LAMB3: variants seen among roughly 807,000 people sequenced by gnomAD.
LAMB3 encodes the protein laminin subunit beta-3.
Under a neutral mutation model 140.3 loss-of-function variants are expected in LAMB3, and 104 were observed. That is an observed-to-expected ratio of 0.74 (90% CI 0.63 to 0.87). The LOEUF is 0.87. LAMB3 is among the 40% of genes least tolerant of loss of function. The pLI, the probability that LAMB3 is intolerant of heterozygous loss-of-function variation, is 0.00. For missense variants in LAMB3, 1,531 were observed against 1,575.2 expected (o/e 0.97, Z 0.47); for synonymous variants, 592 against 602.9 (o/e 0.98, Z 0.26).
chr1:209,646,586 C>T (rs537419022), intron 3 of LAMB3, among the ~76,000 whole-genome samples: 1 of 152,304 alleles, frequency 6.6e-6, no homozygotes, highest in African/African-American at 2.4e-5. Flanking sequence ...GCACCGATCA[C>T]CTTGGGAGGC....
intron 21 of LAMB3, among the ~76,000 whole-genome samples, chr1:209,616,886 A>T (rs1665987233): frequency 1.3e-5 from 2 of 152,348 alleles, no homozygotes; most frequent in South Asian, 4.1e-4. Flanking sequence ...TAGGATATTA[A>T]TAGTAGGCTG....
rs188432120 is a variant in LAMB3, at chr1:209,651,879, G to C, written c.-38+490C>G. 7.3e-5 allele frequency among the ~76,000 whole-genome samples: 11 copies of C among 150,620 alleles called. No individual in the cohort carries two copies. The East Asian group carries it at 1.4e-3, about 19-fold the overall frequency. On this transcript the variant is annotated intron_variant, in intron 1 of 22. Coordinates refer to ENST00000356082, the MANE Select transcript of LAMB3 (RefSeq NM_000228.3). ...GCTGGGGGCTTGGCAAGGCAGGGGC[G>C]GGGGGGGAAATTGAGGACATTTCTG...
chr1:209,617,886 G>A (rs373731270), intron 20 of LAMB3, 21 bp downstream of exon 20: 2 of 1,614,054 alleles, frequency 1.2e-6, no homozygotes, highest in Non-Finnish European at 1.7e-6. Context: ...AATATGGGCG[G>A]AGGAAGCCAT....
In LAMB3 at chr1:209,632,793, G is replaced by A. The variant is rs1383632964; in HGVS notation, c.629-17C>T. On this transcript the variant is annotated splice_polypyrimidine_tract_variant and intron_variant, in intron 7 of 22. Coordinates refer to ENST00000356082, the MANE Select transcript of LAMB3 (RefSeq NM_000228.3). ...CCCCCACCTCTGAGAGGGCCAAACA[G>A]CAAGGAGGGAAGAGTTGGAGAATGG... 1 of 1,610,680 alleles carries A rather than the reference G, an allele frequency of 6.2e-7. No individual in the cohort carries two copies. Among genetic ancestry groups the A allele is most frequent in the African/African-American group, 1.3e-5 (1 of 74,870 alleles).
In LAMB3 at chr1:209,625,961, A is replaced by G. The variant is rs1666432220; in HGVS notation, c.1663T>C (p.Cys555Arg). The change falls in exon 14 of 23, where the codon TGC (cysteine) becomes CGC (arginine). Residue 555 changes from cysteine (C) to arginine (R), a missense_variant. Cys to Arg is a radical substitution (Grantham distance 180). Coordinates refer to ENST00000356082, the MANE Select transcript of LAMB3 (RefSeq NM_000228.3). ...GCDKASGRCL[C>R]RPGLTGPRCD... ...CGGGGCCCGGTCAAGCCAGGGCGGC[A>G]GAGGCAGCGGCCTGATGCCTTGTCG... is the stretch of plus-strand genomic sequence containing the variant. The G allele has an allele frequency of 5.0e-6, 8 of 1,613,848 alleles. No homozygotes were observed. Among genetic ancestry groups the G allele is most frequent in the Non-Finnish European group, 5.9e-6 (7 of 1,179,880 alleles).
At chr1:209,627,351 G>T in intron 12 of LAMB3, 32 bp downstream of exon 12, 1 of 1,594,542 alleles carries the variant, frequency 6.3e-7, no homozygotes. Context: ...CCCTCCCACT[G>T]AGGGGGCCCC....
Position 209,638,550 on chromosome 1 carries a change from C to T in LAMB3, c.282G>A (p.Trp94Ter), listed in dbSNP as rs748099677. 2.5e-6 allele frequency: 4 copies of T among 1,611,566 alleles called. No individual in the cohort carries two copies. Among genetic ancestry groups the T allele is most frequent in the Non-Finnish European group, 2.5e-6 (3 of 1,177,650 alleles). ...NVASSSGPMR[W>*]WQSQNDVNPV... ...AATGCTCACCATTCTGTGACTGCCA[C>T]CAGCGCATGGGGCCGGAGGATGAAG... is the stretch of plus-strand genomic sequence containing the variant. The change falls in exon 4 of 23, where the codon TGG (tryptophan) becomes TGA (stop). Residue 94 changes from tryptophan (W) to a stop codon, truncating the protein, a stop_gained. Coordinates refer to ENST00000356082, the MANE Select transcript of LAMB3 (RefSeq NM_000228.3). LOFTEE classifies it high-confidence loss of function.
intron 3 of LAMB3, among the ~76,000 whole-genome samples, chr1:209,641,111 A>G (rs1337731022): frequency 1.3e-5 from 2 of 151,740 alleles, no homozygotes; most frequent in East Asian, 3.8e-4. Context: ...TAAAAAAAAA[A>G]AAAGAAAGAA....
chr1:209,631,734 G>C (rs990260991), intron 8 of LAMB3, among the ~76,000 whole-genome samples: 1 of 152,172 alleles, frequency 6.6e-6, no homozygotes, highest in Non-Finnish European at 1.5e-5. Flanking sequence ...TTGGGTTCTA[G>C]GAGTATGTCT....
intron 8 of LAMB3, among the ~76,000 whole-genome samples, chr1:209,630,995 C>T (rs1666668949): frequency 1.3e-5 from 2 of 152,192 alleles, no homozygotes; most frequent in Non-Finnish European, 2.9e-5. Context: ...TTTGCAAGCT[C>T]GCTGCTTGCA....
At chr1:209,621,674 A>G (rs1359414811) in intron 18 of LAMB3, among the ~76,000 whole-genome samples, 1 of 152,180 alleles carries the variant, frequency 6.6e-6, no homozygotes, top group African/African-American at 2.4e-5. Context: ...CATTTATAGA[A>G]GCAAAAGATG....
In LAMB3 at chr1:209,625,933, C is replaced by T. The variant is rs1365574842; in HGVS notation, c.1691G>A (p.Cys564Tyr). 2 of 1,613,826 alleles carry T rather than the reference C, an allele frequency of 1.2e-6. No homozygotes were observed. Among genetic ancestry groups the T allele is most frequent in the Non-Finnish European group, 1.7e-6 (2 of 1,179,900 alleles). The stretch of plus-strand genomic sequence containing the variant: ...ACAGTAGCCTCGCTGGCACTGGTCA[C>T]AGCGGGGCCCGGTCAAGCCAGGGCG... ...LCRPGLTGPR[C>Y]DQCQRGYCNR... The change falls in exon 14 of 23, where the codon TGT becomes TAT. Residue 564 changes from cysteine to tyrosine, a missense_variant. Cys to Tyr is a radical substitution (Grantham distance 194, BLOSUM62 -2). Coordinates refer to ENST00000356082, the MANE Select transcript of LAMB3 (RefSeq NM_000228.3).
intron 13 of LAMB3, 137 bp downstream of exon 13, chr1:209,626,730 C>G: frequency 1.4e-6 from 1 of 721,952 alleles, no homozygotes; most frequent in East Asian, 2.7e-5. Context: ...TGTGCACTCA[C>G]AGGGCTGCCC....
intron 13 of LAMB3, among the ~76,000 whole-genome samples, chr1:209,626,351 C>T (rs1304694490): frequency 6.6e-6 from 1 of 151,522 alleles, no homozygotes; most frequent in Non-Finnish European, 1.5e-5. Context: ...GTACAGCATG[C>T]CTCTTCCTCT....
Position 209,629,832 on chromosome 1 carries a change from C to T in LAMB3, c.1037G>A (p.Cys346Tyr). The T allele has an allele frequency of 6.2e-7, 1 of 1,614,206 alleles. No individual in the cohort carries two copies. The highest frequency in any genetic ancestry group is 1.1e-5 in the South Asian group (1 of 91,088). Residue 346 changes from cysteine (C) to tyrosine (Y), a missense_variant, in exon 10 of 23, where the codon TGC becomes TAC. Transcript: ENST00000356082. ...GTTCTTGCCTTCGGTGTGGTCCCGG[C>T]AATTGTCACACACACCTCCATATGC... ...QGAYGGVCDN[C>Y]RDHTEGKNCE... is the part of the protein sequence containing the mutation.
Position 209,615,162 on chromosome 1 carries a change from T to C in LAMB3, c.*109A>G, listed in dbSNP as rs1665905086. Reference sequence around the variant, plus strand: ...CACCAGGGGTGGTCCAGGCTGTACTTTAGGCTGCATGAAAGTCTCCTGGAG... The same window carrying C: ...CACCAGGGGTGGTCCAGGCTGTACTCTAGGCTGCATGAAAGTCTCCTGGAG... On this transcript the variant is annotated 3_prime_UTR_variant, in exon 23 of 23. Transcript: ENST00000356082. 3 of 1,448,226 alleles carry C rather than the reference T, an allele frequency of 2.1e-6. No individual in the cohort carries two copies. The Admixed American group carries it at 5.1e-5, about 25-fold the overall frequency. 89.7% of individuals were successfully genotyped at this position (1,448,226 alleles called of 1,614,324 possible). A position where few individuals can be genotyped will look rare whatever the true frequency, so the allele number is the denominator to read the frequency against.
Position 209,626,995 on chromosome 1 carries a change from C to G in LAMB3, c.1486-17G>C, listed in dbSNP as rs1666484735. Reference sequence around the variant, plus strand: ...CCCTGTGAACTGCGTGGGGAGAGCACCGTCAGTGGACCCTGCCTCACAGCC... The same window carrying G: ...CCCTGTGAACTGCGTGGGGAGAGCAGCGTCAGTGGACCCTGCCTCACAGCC... On this transcript the variant is annotated splice_polypyrimidine_tract_variant and intron_variant, in intron 12 of 22. Coordinates refer to ENST00000356082, the MANE Select transcript of LAMB3 (RefSeq NM_000228.3). 6.4e-7 allele frequency: 1 copy of G among 1,556,264 alleles called. No homozygotes were observed.
intron 18 of LAMB3, among the ~76,000 whole-genome samples, chr1:209,619,855 T>C (rs1472435540): frequency 6.6e-6 from 1 of 152,138 alleles, no homozygotes; most frequent in Non-Finnish European, 1.5e-5. Flanking sequence ...TCCTGGAGGG[T>C]GGAAGCCATG....
chr1:209,631,150 G>C (rs900622721), intron 8 of LAMB3, among the ~76,000 whole-genome samples: 2 of 152,194 alleles, frequency 1.3e-5, no homozygotes, highest in Non-Finnish European at 2.9e-5. Flanking sequence ...TTGGTTAATG[G>C]AACTGTTGTG....
Sources: allele counts gnomAD v4.1 joint callset (sites outside exome capture counted in the v4.1 genomes callset), GRCh38; gene constraint gnomAD v4.1.1; transcripts MANE v1.5; gene names NCBI Gene and HGNC (gene_info 2026-07-23, HGNC 2026-07-21).